The following CLCA1 variants were observed in gnomAD, a reference collection of about 807,000 sequenced individuals.
CLCA1 encodes the protein calcium-activated chloride channel regulator 1.
A neutral mutation model predicts 85.6 loss-of-function variants in CLCA1; 59 were observed. The ratio of observed to expected loss-of-function variants is 0.69; its 90% confidence interval spans 0.56 to 0.86. CLCA1 has a LOEUF of 0.86. Among genes scored for constraint, CLCA1 ranks in the 40% least tolerant of loss-of-function variants. The pLI is 0.00. For synonymous variants in CLCA1, 396 were observed against 398.3 expected, an observed-to-expected ratio of 0.99 and a Z score of 0.07; for missense variants, 1,022 against 1,101.4, an observed-to-expected ratio of 0.93 and a Z score of 1.02.
intron 4 of CLCA1, among the ~76,000 whole-genome samples, chr1:86,477,136 C>T (rs575564880): frequency 3.9e-5 from 6 of 152,228 alleles, no homozygotes; most frequent in South Asian, 4.1e-4. Flanking sequence ...CTTAAGTTTT[C>T]GTACAGGCAG....
At chr1:86,471,384 C>T (rs1396697238) in intron 1 of CLCA1, among the ~76,000 whole-genome samples, 1 of 152,196 alleles carries the variant, frequency 6.6e-6, no homozygotes, top group Non-Finnish European at 1.5e-5. Flanking sequence ...CTAGCCCATT[C>T]TATAAACTGT....
rs770345057 is a variant in CLCA1, at chr1:86,482,232, T to C, written c.585T>C (p.Asn195=). 4.3e-6 allele frequency: 7 copies of C among 1,613,704 alleles called. No individual in the cohort carries two copies. Among genetic ancestry groups the C allele is most frequent in the African/African-American group, 1.3e-5 (1 of 74,878 alleles). The part of the protein sequence containing the change: ...VRCSAGITGT[N]VVKKCQGGSC... ...GTTCAGCAGGTATTACTGGTACAAA[T>C]GTAGTAAAGAAGTGTCAGGGAGGCA... The change falls in exon 5 of 14, where the codon AAT becomes AAC. Residue 195 remains asparagine, a synonymous_variant. Transcript: ENST00000394711.
chr1:86,500,027 G>T lies in CLCA1; in HGVS notation c.2727G>T (p.Leu909=), dbSNP rs1445850872. 6.2e-7 allele frequency: 1 copy of T among 1,610,008 alleles called. No individual in the cohort carries two copies. Among genetic ancestry groups the T allele is most frequent in the Admixed American group, 1.7e-5 (1 of 59,976 alleles). ...TTATGTGGAAGTGGATAGGAGAACT[G>T]CAGCTGTCAATAGCCTAGGGCTGAA... ...LKIMWKWIGE[L]QLSIA Residue 909 remains leucine (L), a synonymous_variant, in exon 14 of 14, where the codon CTG becomes CTT. Coordinates refer to ENST00000394711, the MANE Select transcript of CLCA1 (RefSeq NM_001285.4).
intron 9 of CLCA1, among the ~76,000 whole-genome samples, chr1:86,491,844 A>G (rs999842048): frequency 6.6e-6 from 1 of 152,174 alleles, no homozygotes. Flanking sequence ...CAGTGGTGTG[A>G]GTCCAGACCC....
chr1:86,498,189 T>TGGAAGGAA (rs1455964309), intron 12 of CLCA1, among the ~76,000 whole-genome samples: 22 of 107,034 alleles, frequency 2.1e-4, no homozygotes, highest in African/African-American at 7.2e-4. Context: ...GAAGGAAGGA[T>TGGAAGGAA]GGAAGGAAGG....
At position 86,489,247 on chromosome 1, in the gene CLCA1, G is replaced by A. The variant is rs575179390; in HGVS notation, c.1357+77G>A. On this transcript the variant is annotated intron_variant, in intron 8 of 13. Transcript: ENST00000394711. ...GAGCTCCAGTGAACTGGGGAGTGGG[G>A]GAAAGATGGGATGGAGAGAGATAGG... The A allele has an allele frequency of 1.8e-5, 24 of 1,361,610 alleles. No individual in the cohort carries two copies. The South Asian group carries it at 2.8e-4, about 16-fold the overall frequency. The allele number at this position is 1,361,610 out of a possible 1,614,324, so 84.3% of individuals were successfully genotyped here. A position where few individuals can be genotyped will look rare whatever the true frequency, so the allele number is the denominator to read the frequency against.
chr1:86,476,395 A>G, intron 3 of CLCA1, 53 bp from the exon 4 acceptor site: 1 of 842,024 alleles, frequency 1.2e-6, no homozygotes, highest in Non-Finnish European at 2.0e-6. Context: ...CAGTGTGAGA[A>G]GGTAATTTTG....
At chr1:86,490,009 G>A (rs2101743025) in intron 8 of CLCA1, among the ~76,000 whole-genome samples, 1 of 152,298 alleles carries the variant, frequency 6.6e-6, no homozygotes, top group Non-Finnish European at 1.5e-5. Context: ...GCCAGGGAAG[G>A]AGCTAAGCAC....
intron 9 of CLCA1, among the ~76,000 whole-genome samples, chr1:86,492,432 CAGAGAG>C (rs3835432): frequency 1.3e-5 from 2 of 151,244 alleles, no homozygotes; most frequent in African/African-American, 2.4e-5. Context: ...AGAAACCTAA[CAGAGAG>C]AGAGAGAGAG....
intron 12 of CLCA1, 25 bp from the exon 13 acceptor site, chr1:86,498,547 T>C: frequency 3.1e-6 from 5 of 1,606,118 alleles, no homozygotes; most frequent in Non-Finnish European, 4.3e-6. Flanking sequence ...TTGCTTACCA[T>C]ATTTTGAGTA....
chr1:86,487,692 C>T (rs1648018817), intron 7 of CLCA1, among the ~76,000 whole-genome samples: 1 of 152,122 alleles, frequency 6.6e-6, no homozygotes, highest in Non-Finnish European at 1.5e-5. Flanking sequence ...TGACTCAGCC[C>T]CACCCTGGCT....
At position 86,474,893 on chromosome 1, in the gene CLCA1, G is replaced by T. The variant is rs557209427; in HGVS notation, c.451+1017G>T. On this transcript the variant is annotated intron_variant, in intron 3 of 13. Transcript: ENST00000394711. ...CATTAGATTTCTTTACCTCAAAAAA[G>T]ATTTGGATCCCCTAGAACCAGCTTG... Among the ~76,000 whole-genome samples the T allele has an allele frequency of 5.8e-4, 88 of 152,128 alleles. 1 individual carries two copies. Among genetic ancestry groups the T allele is most frequent in the Non-Finnish European group, 8.5e-4 (58 of 67,968 alleles).
chr1:86,486,703 G>A lies in CLCA1; in HGVS notation c.1132G>A (p.Ala378Thr), dbSNP rs1265936248. The change falls in exon 7 of 14, where the codon GCA becomes ACA. Residue 378 changes from alanine to threonine, a missense_variant. Ala to Thr is a moderately conservative substitution (Grantham distance 58). Coordinates refer to ENST00000394711, the MANE Select transcript of CLCA1 (RefSeq NM_001285.4). ...RDTLAKRLPA[A>T]ASGGTSICSG... ...CACACTCGCCAAAAGATTACCTGCA[G>A]CAGCTTCAGGAGGGACGTCCATCTG... The A allele has an allele frequency of 6.2e-7, 1 of 1,614,070 alleles. No homozygotes were observed. Among genetic ancestry groups the A allele is most frequent in the African/African-American group, 1.3e-5 (1 of 74,914 alleles).
At chr1:86,498,200 A>AAGGG (rs1553188781) in intron 12 of CLCA1, among the ~76,000 whole-genome samples, 2,285 of 150,766 alleles carry the variant, frequency 0.015, 51 homozygotes, top group Middle Eastern at 0.028. Flanking sequence ...GGAAGGAAGG[A>AAGGG]AGGAAGGAAA....
intron 12 of CLCA1, 44 bp downstream of exon 12, chr1:86,495,719 G>A (rs1246110013): frequency 2.6e-6 from 4 of 1,534,024 alleles, no homozygotes; most frequent in Non-Finnish European, 2.7e-6. Flanking sequence ...CAAAAGCATT[G>A]GTTTCAAGAG....
At chr1:86,476,118 C>A (rs538204250) in intron 3 of CLCA1, among the ~76,000 whole-genome samples, 1 of 152,184 alleles carries the variant, frequency 6.6e-6, no homozygotes, top group Non-Finnish European at 1.5e-5. Context: ...CTTTGCTGAC[C>A]TCTGTCATCA....
At chr1:86,475,159 C>G (rs1647609046) in intron 3 of CLCA1, among the ~76,000 whole-genome samples, 1 of 152,204 alleles carries the variant, frequency 6.6e-6, no homozygotes, top group African/African-American at 2.4e-5. Flanking sequence ...TGAGCCCACT[C>G]CAGCCATCAT....
At chr1:86,498,916 G>C in intron 13 of CLCA1, 105 bp downstream of exon 13, 1 of 1,273,530 alleles carries the variant, frequency 7.9e-7, no homozygotes, top group Non-Finnish European at 1.1e-6. Flanking sequence ...GGGGGCAGAA[G>C]GCAGGAGGGA....
chr1:86,498,189 T>TGAA (rs1648351250), intron 12 of CLCA1, among the ~76,000 whole-genome samples: 1 of 106,966 alleles, frequency 9.3e-6, no homozygotes, highest in Non-Finnish European at 2.0e-5. Flanking sequence ...GAAGGAAGGA[T>TGAA]GGAAGGAAGG....
Sources: allele counts gnomAD v4.1 joint callset (sites outside exome capture counted in the v4.1 genomes callset), GRCh38; gene constraint gnomAD v4.1.1; transcripts MANE v1.5; gene names NCBI Gene and HGNC (gene_info 2026-07-23, HGNC 2026-07-21).